The following AKAP9 variants were observed in gnomAD, a reference collection of about 807,000 sequenced individuals.
AKAP9 encodes A-kinase anchor protein 9.
AKAP9 carries 311 observed loss-of-function variants against 488.5 expected under a neutral mutation model. That is an observed-to-expected ratio of 0.64 (90% CI 0.58 to 0.70). The LOEUF (loss-of-function observed/expected upper bound fraction) is 0.70. AKAP9 is among the 30% of genes least tolerant of loss of function. The pLI, the probability that AKAP9 is intolerant of heterozygous loss-of-function variation, is 0.00. For synonymous variants in AKAP9, 1,462 were observed against 1,483.5 expected (o/e 0.99, Z 0.33); for missense variants, 4,215 against 4,374.5 (o/e 0.96, Z 1.03).
At chr7:91,985,193 GT>G (rs1226290421) in intron 3 of AKAP9, among the ~76,000 whole-genome samples, 2 of 152,154 alleles carry the variant, frequency 1.3e-5, no homozygotes, top group African/African-American at 4.8e-5. Flanking sequence ...TCTTGTGTCA[GT>G]TTTCAAAGGG....
chr7:92,070,806 C>CAAAA (rs34613656), intron 27 of AKAP9, 99 bp from the exon 28 acceptor site: 530 of 459,246 alleles, frequency 1.2e-3, no homozygotes, highest in Middle Eastern at 3.3e-3. Context: ...TGCTGCTTCT[C>CAAAA]AAAAAAAAAA....
Position 92,027,656 on chromosome 7 carries a change from CCGCCCCG to C in AKAP9, c.4149-2238_4149-2232del, listed in dbSNP as rs1206431260. Among the ~76,000 whole-genome samples, 125 of 148,912 alleles carry C rather than the reference CCGCCCCG, an allele frequency of 8.4e-4. 3 individuals are homozygous for C. The highest frequency in any genetic ancestry group is 1.8e-4 in the Non-Finnish European group (12 of 67,204). On this transcript the variant is annotated intron_variant, in intron 14 of 49. Transcript: ENST00000356239. The stretch of plus-strand genomic sequence containing the variant: ...GGATGTGAGGAGCGCCTCTGCCTGG[CCGCCCCG>C]TCTGGGATGTGAGGAGCGCCTCTGC...
chr7:92,095,510 G>A (rs1197848214), intron 40 of AKAP9, among the ~76,000 whole-genome samples: 1 of 152,262 alleles, frequency 6.6e-6, no homozygotes, highest in African/African-American at 2.4e-5. Context: ...TTTTCTCCTA[G>A]GGAAGAGGAA....
At chr7:92,057,929 G>A (rs1289226362) in intron 22 of AKAP9, 2 of 225,846 alleles carry the variant, frequency 8.9e-6, no homozygotes, top group African/African-American at 4.5e-5. Flanking sequence ...GGGTTTTTTT[G>A]AGGGGGCATC....
intron 22 of AKAP9, among the ~76,000 whole-genome samples, chr7:92,057,002 T>C (rs187310416): frequency 9.2e-5 from 14 of 152,154 alleles, no homozygotes; most frequent in Non-Finnish European, 1.3e-4. Context: ...ATTTATTCAC[T>C]ATTGCCCAGG....
chr7:92,103,172 C>G (rs1817880353), intron 46 of AKAP9, among the ~76,000 whole-genome samples: 1 of 150,756 alleles, frequency 6.6e-6, no homozygotes, highest in South Asian at 2.1e-4. Context: ...AGGCGAATCA[C>G]AAGGTCAGGA....
chr7:92,045,725 A>G (rs1182729049), intron 21 of AKAP9, among the ~76,000 whole-genome samples: 1 of 151,602 alleles, frequency 6.6e-6, no homozygotes, highest in Non-Finnish European at 1.5e-5. Context: ...GAGTTGAAAT[A>G]TTACACAATG....
At chr7:92,040,939 T>G in intron 18 of AKAP9, 41 bp downstream of exon 18, 1 of 1,531,574 alleles carries the variant, frequency 6.5e-7, no homozygotes, top group South Asian at 1.2e-5. Flanking sequence ...CAGTTATTTT[T>G]TTTTCCAAAC....
At chr7:92,023,635 C>A (rs190395881) in intron 14 of AKAP9, among the ~76,000 whole-genome samples, 2 of 152,172 alleles carry the variant, frequency 1.3e-5, no homozygotes, top group African/African-American at 2.4e-5. Context: ...CTAACTCCCC[C>A]CTAAAGTCTG....
rs1563142906 is a variant in AKAP9, at chr7:92,098,192, T to C, written c.10691T>C (p.Leu3564Ser). Residue 3564 changes from leucine (L) to serine (S), a missense_variant, in exon 43 of 50, where the codon TTA becomes TCA. By Grantham distance (145) the Leu-to-Ser change is moderately radical. This residue lies in a region of AKAP9 where 1,476 missense variants were observed against 1,477.4 expected (regional missense o/e 1.00). Transcript: ENST00000356239. ...GAAATTATTTTACAACTACAGAAAT[T>C]AACTGGCCAGCAAGGTGAAGAGGTA... ...IDEIILQLQK[L>S]TGQQGEEPSL... 1 of 1,609,152 alleles carries C rather than the reference T, an allele frequency of 6.2e-7. No homozygotes were observed. Among genetic ancestry groups the C allele is most frequent in the Non-Finnish European group, 8.5e-7 (1 of 1,175,648 alleles).
chr7:91,951,452 G>C lies in AKAP9; in HGVS notation c.48+10305G>C, dbSNP rs188111591. Among the ~76,000 whole-genome samples, 261 of 152,180 alleles carry C rather than the reference G, an allele frequency of 1.7e-3. 1 individual carries two copies. The highest frequency in any genetic ancestry group is 2.9e-3 in the Admixed American group (44 of 15,268). ...TGATCCTCTCACTTCAGGCTCCCGAGTAGCTGGGGCTGCGGGGGCTCACCA... is the reference window on the plus strand; with the variant it reads ...TGATCCTCTCACTTCAGGCTCCCGACTAGCTGGGGCTGCGGGGGCTCACCA... On this transcript the variant is annotated intron_variant, in intron 1 of 49. Coordinates refer to ENST00000356239, the MANE Select transcript of AKAP9 (RefSeq NM_005751.5).
At chr7:91,978,845 C>T (rs1212511717) in intron 2 of AKAP9, among the ~76,000 whole-genome samples, 1 of 151,890 alleles carries the variant, frequency 6.6e-6, no homozygotes, top group Admixed American at 6.6e-5. Context: ...CAAGCTCTCC[C>T]TTCCAGGCCC....
chr7:92,101,911 C>T (rs1467487271), intron 45 of AKAP9, among the ~76,000 whole-genome samples: 1 of 152,074 alleles, frequency 6.6e-6, no homozygotes, highest in Non-Finnish European at 1.5e-5. Flanking sequence ...AATCCCAGCA[C>T]TTCGGGAGGC....
intron 3 of AKAP9, among the ~76,000 whole-genome samples, chr7:91,986,051 T>G (rs1797045571): frequency 6.6e-6 from 1 of 152,168 alleles, no homozygotes; most frequent in Non-Finnish European, 1.5e-5. Context: ...GGTCCTGGAC[T>G]TTTTTTGGTT....
At chr7:92,075,277 A>C (rs758596493) in intron 28 of AKAP9, among the ~76,000 whole-genome samples, 8 of 152,244 alleles carry the variant, frequency 5.3e-5, no homozygotes, top group Non-Finnish European at 1.2e-4. Flanking sequence ...ATAGGGCAGC[A>C]ATTTGAACTT....
rs186778192 is a variant in AKAP9, at chr7:92,023,776, T to A, written c.4148+767T>A. ...TTCTGATTTTTAATCTCCTACTGAC[T>A]TGTCTGTCACTGTCTTCTGACCCCA... On this transcript the variant is annotated intron_variant, in intron 14 of 49. Transcript: ENST00000356239. Among the ~76,000 whole-genome samples the A allele has an allele frequency of 1.5e-3, 222 of 152,304 alleles. 1 individual carries two copies. The highest frequency in any genetic ancestry group is 5.0e-3 in the African/African-American group (209 of 41,566).
chr7:92,070,446 T>A (rs1383409068), intron 27 of AKAP9, among the ~76,000 whole-genome samples: 2 of 141,012 alleles, frequency 1.4e-5, no homozygotes, highest in Non-Finnish European at 3.1e-5. Context: ...TTTGTTTTGT[T>A]TTTTGGAGAC....
At chr7:92,041,555 T>TA (rs1806113182) in intron 18 of AKAP9, 1 of 157,704 alleles carries the variant, frequency 6.3e-6, no homozygotes, top group African/African-American at 2.4e-5. Flanking sequence ...GTATAAAATA[T>TA]ACTCACAAAA....
chr7:91,982,988 T>G (rs1353247906), intron 3 of AKAP9, among the ~76,000 whole-genome samples: 12 of 152,208 alleles, frequency 7.9e-5, no homozygotes, highest in African/African-American at 2.9e-4. Flanking sequence ...TGTCTGCTTT[T>G]GAGAAGTGTC....
Sources: gnomAD v4.1 joint callset for allele counts (sites outside exome capture counted in the v4.1 genomes callset) on GRCh38, gnomAD v4.1.1 for gene constraint, gnomAD v4.1.1 regional missense constraint, MANE v1.5 for transcripts, NCBI Gene and HGNC (gene_info 2026-07-23, HGNC 2026-07-21) for gene names.